CLEC4D: variants seen among roughly 807,000 people sequenced by gnomAD.
The protein encoded by CLEC4D is C-type lectin domain family 4 member D, also known as C-type (calcium dependent, carbohydrate-recognition domain) lectin, superfamily member 8.
Under a neutral mutation model 21.1 loss-of-function variants are expected in CLEC4D, and 21 were observed. That is an observed-to-expected ratio of 1.00 (90% CI 0.71 to 1.43). The LOEUF is 1.43. CLEC4D is among the 40% of genes most tolerant of loss of function. The probability of loss-of-function intolerance (pLI) is 0.00; values close to 1 mark genes in which losing one functional copy is unlikely to be tolerated. For missense variants in CLEC4D, 289 were observed against 260.7 expected (o/e 1.11, Z -0.75); for synonymous variants, 85 against 83.1 (o/e 1.02, Z -0.12).
chr12:8,529,173 T>C, the CLEC4D span, among the ~76,000 whole-genome samples: 1 of 152,186 alleles, frequency 6.6e-6, no homozygotes, highest in Non-Finnish European at 1.5e-5. Flanking sequence ...TCCGTTCAGA[T>C]TGGGAAAGGA....
chr12:8,513,513 C>T lies in CLEC4D; in HGVS notation c.-220C>T. ...TTTTTTTTTTTTTTCGCCTCATCTC[C>T]CGGAATGTATCAAAGGAAACCCCTG... is the stretch of plus-strand genomic sequence containing the variant. On this transcript the variant is annotated 5_prime_UTR_variant, in exon 1 of 6. Coordinates refer to ENST00000299665, the MANE Select transcript of CLEC4D (RefSeq NM_080387.5). 5.7e-6 allele frequency: 2 copies of T among 353,456 alleles called. No individual in the cohort carries two copies. The highest frequency in any genetic ancestry group is 3.9e-5 in the East Asian group (1 of 25,318). 21.9% of individuals were successfully genotyped at this position (353,456 alleles called of 1,614,324 possible).
chr12:8,530,435 T>A, the CLEC4D span, among the ~76,000 whole-genome samples: 7 of 149,408 alleles, frequency 4.7e-5, no homozygotes. Context: ...ATGTCTAAAT[T>A]TTCCAGTAAT....
At chr12:8,522,982 G>C (rs1438311916), downstream of CLEC4D, among the ~76,000 whole-genome samples, 1 of 152,156 alleles carries the variant, frequency 6.6e-6, no homozygotes, top group Non-Finnish European at 1.5e-5. Flanking sequence ...GTTTTTGCCA[G>C]ACTTGTTGAA....
At chr12:8,523,207 A>C (rs1940480013), downstream of CLEC4D, among the ~76,000 whole-genome samples, 1 of 152,182 alleles carries the variant, frequency 6.6e-6, no homozygotes, top group South Asian at 2.1e-4. Context: ...TATGAAATTT[A>C]AAATAGTTTT....
At chr12:8,527,721 C>T in the CLEC4D span, among the ~76,000 whole-genome samples, 1 of 152,232 alleles carries the variant, frequency 6.6e-6, no homozygotes, top group African/African-American at 2.4e-5. Context: ...GCCCTCCGCC[C>T]GCGCTCCCCC....
chr12:8,514,560 A>G (rs555086290), intron 1 of CLEC4D, among the ~76,000 whole-genome samples: 7 of 152,172 alleles, frequency 4.6e-5, no homozygotes, highest in Admixed American at 6.5e-5. Context: ...TGCATTTAAA[A>G]ATGGATAAAT....
In CLEC4D at chr12:8,516,214, G is replaced by A. The variant is rs773623430; in HGVS notation, c.121+886G>A. 8.2e-4 allele frequency among the ~76,000 whole-genome samples: 125 copies of A among 152,136 alleles called. 2 individuals are homozygous for A. Among genetic ancestry groups the A allele is most frequent in the Admixed American group, 1.0e-3 (16 of 15,282 alleles). On this transcript the variant is annotated intron_variant, in intron 2 of 5. Coordinates refer to ENST00000299665, the MANE Select transcript of CLEC4D (RefSeq NM_080387.5). ...TCCTCATGACCTGGAGGTAGAGAACGATTTCTTAAACAAGCCACAAAATGC... is the reference window on the plus strand; with the variant it reads ...TCCTCATGACCTGGAGGTAGAGAACAATTTCTTAAACAAGCCACAAAATGC...
chr12:8,513,576 A>G lies in CLEC4D; in HGVS notation c.-157A>G. On this transcript the variant is annotated 5_prime_UTR_variant, in exon 1 of 6. In the 5' UTR this introduces an upstream ATG that the reference lacks. Coordinates refer to ENST00000299665, the MANE Select transcript of CLEC4D (RefSeq NM_080387.5). ...ACTTCTTTTGAGCTAACTTTCTTAT[A>G]CTGGTACCTTTCTAATCTCACTACA... 2.2e-6 allele frequency: 1 copy of G among 450,702 alleles called. No homozygotes were observed. Among genetic ancestry groups the G allele is most frequent in the East Asian group, 3.1e-5 (1 of 32,134 alleles). 27.9% of individuals were successfully genotyped at this position (450,702 alleles called of 1,614,324 possible).
Position 8,515,253 on chromosome 12 carries a change from C to T in CLEC4D, c.46C>T (p.Pro16Ser), listed in dbSNP as rs766350813. The change falls in exon 2 of 6, where the codon CCC becomes TCC. Residue 16 changes from proline to serine, a missense_variant. Pro to Ser is a moderately conservative substitution (Grantham distance 74). Coordinates refer to ENST00000299665, the MANE Select transcript of CLEC4D (RefSeq NM_080387.5). Reference protein sequence around the residue: ...PQSKLEGGMHPQLIPSVIAVV... With the variant: ...PQSKLEGGMHSQLIPSVIAVV... ...GGTCCTAGTGGAAGGAGGCATGCAT[C>T]CCCAGCTGATACCTTCGGTTATTGC... 1.8e-5 allele frequency: 26 copies of T among 1,472,444 alleles called. No homozygotes were observed. The highest frequency in any genetic ancestry group is 2.8e-5 in the African/African-American group (2 of 71,752). The allele number at this position is 1,472,444 out of a possible 1,614,324, so 91.2% of individuals were successfully genotyped here.
intron 3 of CLEC4D, 23 bp from the exon 4 acceptor site, chr12:8,518,986 T>C (rs1940420502): frequency 6.2e-7 from 1 of 1,609,704 alleles, no homozygotes. Context: ...TGTTACCAAT[T>C]TCCGTTTTAA....
the CLEC4D span, among the ~76,000 whole-genome samples, chr12:8,527,868 C>T: frequency 6.6e-6 from 1 of 151,342 alleles, no homozygotes; most frequent in African/African-American, 2.5e-5. Context: ...TACACAGTTC[C>T]GTGGAAAAAG....
downstream of CLEC4D, among the ~76,000 whole-genome samples, chr12:8,525,185 G>T (rs12306856): frequency 2.0e-5 from 3 of 152,048 alleles, no homozygotes; most frequent in Non-Finnish European, 2.9e-5. Flanking sequence ...GCTGATTTGG[G>T]GTAGAGAGTT....
In CLEC4D at chr12:8,520,340, G is replaced by A; in HGVS notation, c.499G>A (p.Val167Ile). 3.1e-6 allele frequency: 5 copies of A among 1,613,568 alleles called. No individual in the cohort carries two copies. The highest frequency in any genetic ancestry group is 4.2e-6 in the Non-Finnish European group (5 of 1,179,568). Residue 167 changes from valine to isoleucine, a missense_variant and splice_region_variant, in exon 5 of 6, where the codon GTA becomes ATA. Coordinates refer to ENST00000299665, the MANE Select transcript of CLEC4D (RefSeq NM_080387.5). ...CCAGACGCCATTTAACCCACGCAGA[G>A]TGTAAGTATATTGAGTGGGCTAAGG... Reference protein sequence around the residue: ...VDQTPFNPRRVFWHKNEPDNS... With the variant: ...VDQTPFNPRRIFWHKNEPDNS...
chr12:8,525,191 G>C (rs112095850), downstream of CLEC4D, among the ~76,000 whole-genome samples: 2,348 of 152,288 alleles, frequency 0.015, 67 homozygotes, highest in African/African-American at 0.054. Context: ...TTGGGGTAGA[G>C]AGTTCTGTAG....
intron 1 of CLEC4D, 134 bp downstream of exon 1, chr12:8,513,894 G>T (rs1271652040): frequency 3.3e-6 from 2 of 602,260 alleles, no homozygotes; most frequent in Non-Finnish European, 6.0e-6. Context: ...TAAAAATGAC[G>T]TTGGTGAAGA....
rs1295941259 is a variant in CLEC4D, at chr12:8,521,532, G to T, written c.*261G>T. On this transcript the variant is annotated 3_prime_UTR_variant, in exon 6 of 6. Transcript: ENST00000299665. ...TTTGCTTTCTTAGTAGTATTTCAAG[G>T]TGTTTACTTTTCAATTGGTGTGCAC... is the stretch of plus-strand genomic sequence containing the variant. The T allele has an allele frequency of 1.8e-6, 1 of 570,924 alleles. No individual in the cohort carries two copies. The highest frequency in any genetic ancestry group is 1.9e-5 in the African/African-American group (1 of 52,152). The allele number at this position is 570,924 out of a possible 1,614,324, so 35.4% of individuals were successfully genotyped here.
chr12:8,518,603 C>A (rs928758080), intron 3 of CLEC4D, among the ~76,000 whole-genome samples: 3 of 152,130 alleles, frequency 2.0e-5, no homozygotes, highest in African/African-American at 7.2e-5. Flanking sequence ...GTCTTTATTT[C>A]TTTTATTATT....
At chr12:8,523,869 T>C (rs1017359126), downstream of CLEC4D, among the ~76,000 whole-genome samples, 1 of 152,186 alleles carries the variant, frequency 6.6e-6, no homozygotes, top group Non-Finnish European at 1.5e-5. Context: ...TTGAGATACG[T>C]TCCATCAATA....
chr12:8,521,201 C>T lies in CLEC4D; in HGVS notation c.578C>T (p.Ala193Val). The change falls in exon 6 of 6, where the codon GCC (alanine) becomes GTC (valine). Residue 193 changes from alanine to valine, a missense_variant. Physicochemically the swap from Ala to Val is moderately conservative, Grantham distance 64. Transcript: ENST00000299665. ...VVLVYNQDKW[A>V]WNDVPCNFEA... ...CTTGTTTATAACCAAGATAAATGGG[C>T]CTGGAATGATGTTCCTTGTAACTTT... 1 of 1,613,474 alleles carries T rather than the reference C, an allele frequency of 6.2e-7. No homozygotes were observed. Among genetic ancestry groups the T allele is most frequent in the Non-Finnish European group, 8.5e-7 (1 of 1,179,634 alleles).
Sources: gnomAD v4.1 joint callset for allele counts (sites outside exome capture counted in the v4.1 genomes callset) on GRCh38, gnomAD v4.1.1 for gene constraint, MANE v1.5 for transcripts, NCBI Gene and HGNC (gene_info 2026-07-23, HGNC 2026-07-21) for gene names.